Variants in B4GALT6 observed in about 807,000 individuals in gnomAD.
B4GALT6 encodes beta-1,4-galactosyltransferase 6.
Under a neutral mutation model 46.3 loss-of-function variants are expected in B4GALT6, and 14 were observed. The observed-to-expected ratio is 0.30, with a 90% CI of 0.20 to 0.47. The LOEUF is 0.47. Ranked by LOEUF, B4GALT6 falls within the 20% of genes least tolerant of loss-of-function variation. B4GALT6 has a pLI of 0.99. For synonymous variants in B4GALT6, 168 were observed against 162.0 expected (o/e 1.04, Z -0.28); for missense variants, 386 against 480.1 (o/e 0.80, Z 1.83).
intron 5 of B4GALT6, among the ~76,000 whole-genome samples, chr18:31,637,390 CTT>C (rs58990857): frequency 1.8e-4 from 21 of 115,980 alleles, no homozygotes; most frequent in African/African-American, 2.3e-4. Context: ...GCAATGTATG[CTT>C]TTTTTTTTTT....
chr18:31,631,386 G>C (rs1044453721), intron 5 of B4GALT6, among the ~76,000 whole-genome samples: 2 of 151,762 alleles, frequency 1.3e-5, no homozygotes, highest in Non-Finnish European at 2.9e-5. Flanking sequence ...TTTCAAACTT[G>C]TTGCATCATG....
intron 2 of B4GALT6, among the ~76,000 whole-genome samples, chr18:31,659,498 G>A (rs137966538): frequency 6.6e-6 from 1 of 152,180 alleles, no homozygotes; most frequent in Non-Finnish European, 1.5e-5. Flanking sequence ...GACGGGCAAA[G>A]GTTCCAGGCT....
At chr18:31,705,635 G>T in the B4GALT6 span, among the ~76,000 whole-genome samples, 2 of 152,280 alleles carry the variant, frequency 1.3e-5, no homozygotes, top group East Asian at 1.9e-4. Context: ...TGATCCATCC[G>T]CCTTGGCCTC....
chr18:31,699,532 C>T, the B4GALT6 span, among the ~76,000 whole-genome samples: 1 of 151,672 alleles, frequency 6.6e-6, no homozygotes, highest in Non-Finnish European at 1.5e-5. Context: ...CCTCGGCCTC[C>T]CAAAGTGCTG....
chr18:31,714,104 G>A, the B4GALT6 span, among the ~76,000 whole-genome samples: 1 of 152,106 alleles, frequency 6.6e-6, no homozygotes, highest in Non-Finnish European at 1.5e-5. Flanking sequence ...GTAGCCATAG[G>A]CCACATGCAA....
chr18:31,712,363 C>T, the B4GALT6 span, among the ~76,000 whole-genome samples: 7 of 128,308 alleles, frequency 5.5e-5, no homozygotes, highest in African/African-American at 2.2e-4. Flanking sequence ...AGTGCAGTGG[C>T]GTGATCTTGG....
the B4GALT6 span, among the ~76,000 whole-genome samples, chr18:31,711,351 C>G: frequency 2.0e-5 from 3 of 152,094 alleles, no homozygotes; most frequent in African/African-American, 7.2e-5. Flanking sequence ...ATTATTTTAT[C>G]ACCCAAGTAC....
chr18:31,658,159 G>A (rs1346888288), intron 2 of B4GALT6, 70 bp from the exon 3 acceptor site: 17 of 1,084,806 alleles, frequency 1.6e-5, no homozygotes, highest in South Asian at 4.2e-5. Flanking sequence ...AATGAAATAC[G>A]TCACTATCAC....
At chr18:31,626,186 T>C (rs914018956) in intron 8 of B4GALT6, 97 bp downstream of exon 8, 26 of 642,998 alleles carry the variant, frequency 4.0e-5, no homozygotes, top group Non-Finnish European at 6.4e-5. Context: ...GAAAATTCCC[T>C]TCAGCAGCTT....
chr18:31,675,351 T>G (rs1567982690), intron 1 of B4GALT6, among the ~76,000 whole-genome samples: 1 of 152,172 alleles, frequency 6.6e-6, no homozygotes, highest in African/African-American at 2.4e-5. Context: ...ATGCCAAAAG[T>G]TAAGGGGCCA....
the B4GALT6 span, among the ~76,000 whole-genome samples, chr18:31,720,681 A>C: frequency 1.3e-5 from 2 of 152,198 alleles, no homozygotes; most frequent in African/African-American, 4.8e-5. Flanking sequence ...GGAATGAAAT[A>C]ATGTGAATTG....
At chr18:31,649,267 TA>T (rs1180574318) in intron 3 of B4GALT6, among the ~76,000 whole-genome samples, 2 of 152,218 alleles carry the variant, frequency 1.3e-5, no homozygotes, top group Non-Finnish European at 2.9e-5. Flanking sequence ...AACGATTTAT[TA>T]CTCAAGTTTT....
At chr18:31,684,675 G>C (rs2074523388), upstream of B4GALT6, 3 of 1,150,098 alleles carry the variant, frequency 2.6e-6, no homozygotes, top group Non-Finnish European at 3.2e-6. Context: ...AGGGGGGAGA[G>C]GGGACTGGGG....
chr18:31,639,517 A>G (rs995713597), intron 4 of B4GALT6, among the ~76,000 whole-genome samples: 1 of 152,206 alleles, frequency 6.6e-6, no homozygotes, highest in African/African-American at 2.4e-5. Flanking sequence ...GATAATTAAT[A>G]TATTTTTCAT....
chr18:31,694,949 T>C, the B4GALT6 span, among the ~76,000 whole-genome samples: 1 of 152,202 alleles, frequency 6.6e-6, no homozygotes, highest in African/African-American at 2.4e-5. Context: ...TACATAGATA[T>C]TTCATTTTAA....
intron 1 of B4GALT6, among the ~76,000 whole-genome samples, chr18:31,683,294 G>A (rs1418338995): frequency 8.5e-5 from 13 of 152,174 alleles, no homozygotes; most frequent in Non-Finnish European, 1.5e-4. Context: ...CACTCTGTAA[G>A]GGGCATTACA....
At chr18:31,655,245 C>T (rs1379619239) in intron 3 of B4GALT6, among the ~76,000 whole-genome samples, 1 of 152,172 alleles carries the variant, frequency 6.6e-6, no homozygotes, top group Non-Finnish European at 1.5e-5. Context: ...TTTCTAAAGC[C>T]TTATCTGTAT....
At chr18:31,697,715 C>A in the B4GALT6 span, among the ~76,000 whole-genome samples, 1 of 152,220 alleles carries the variant, frequency 6.6e-6, no homozygotes, top group East Asian at 1.9e-4. Flanking sequence ...GGGCTAGGAA[C>A]AAAATGGAGT....
chr18:31,626,590 G>A (rs1198392590), intron 7 of B4GALT6, among the ~76,000 whole-genome samples: 3 of 152,168 alleles, frequency 2.0e-5, no homozygotes, highest in Admixed American at 6.5e-5. Flanking sequence ...TCCACCTCCT[G>A]TCGGATCAGC....
Sources: gnomAD v4.1 joint callset for allele counts (sites outside exome capture counted in the v4.1 genomes callset) on GRCh38, gnomAD v4.1.1 for gene constraint, MANE v1.5 for transcripts, NCBI Gene and HGNC (gene_info 2026-07-23, HGNC 2026-07-21) for gene names.